Variants in CLVS1 observed in about 807,000 individuals in gnomAD.
CLVS1 encodes the protein clavesin-1.
In CLVS1, 10 loss-of-function variants were observed where a neutral mutation model predicts 33.1. That is an observed-to-expected ratio of 0.30 (90% CI 0.19 to 0.51). The LOEUF (loss-of-function observed/expected upper bound fraction) is 0.51, where lower values mean the gene tolerates loss of function less well. Ranked by LOEUF, CLVS1 falls within the 20% of genes least tolerant of loss-of-function variation. The probability of loss-of-function intolerance (pLI) is 0.97; values close to 1 mark genes in which losing one functional copy is unlikely to be tolerated. For missense variants in CLVS1, 343 were observed against 433.4 expected, an observed-to-expected ratio of 0.79 and a Z score of 1.85; for synonymous variants, 163 against 166.1, an observed-to-expected ratio of 0.98 and a Z score of 0.14.
chr8:61,305,988 C>A (rs979137777), intron 2 of CLVS1, among the ~76,000 whole-genome samples: 6 of 152,216 alleles, frequency 3.9e-5, no homozygotes, highest in Non-Finnish European at 8.8e-5. Flanking sequence ...GTGAATAGTG[C>A]TGCAATGAAC....
chr8:61,130,269 A>AAATAAATG (rs1554538188), intron 1 of CLVS1, among the ~76,000 whole-genome samples: 4 of 150,580 alleles, frequency 2.7e-5, no homozygotes, highest in Admixed American at 1.3e-4. Flanking sequence ...ATAAATAAAT[A>AAATAAATG]AATAAATATA....
At chr8:61,005,503 A>G in the CLVS1 span, among the ~76,000 whole-genome samples, 1 of 152,112 alleles carries the variant, frequency 6.6e-6, no homozygotes, top group Admixed American at 6.5e-5. Flanking sequence ...AAGAAAAGAA[A>G]AAAAAGCCCC....
chr8:61,100,064 C>T (rs554791191), intron 1 of CLVS1, among the ~76,000 whole-genome samples: 1 of 152,234 alleles, frequency 6.6e-6, no homozygotes, highest in African/African-American at 2.4e-5. Flanking sequence ...GGTGTTAATG[C>T]CATTGAATTC....
At chr8:61,287,154 G>A (rs1038218356), upstream of CLVS1, among the ~76,000 whole-genome samples, 3 of 152,052 alleles carry the variant, frequency 2.0e-5, no homozygotes, top group African/African-American at 7.2e-5. Flanking sequence ...TTTTAAAAAT[G>A]TTATGCTTTC....
At chr8:61,316,351 T>C (rs1300479230) in intron 2 of CLVS1, among the ~76,000 whole-genome samples, 1 of 152,170 alleles carries the variant, frequency 6.6e-6, no homozygotes, top group Non-Finnish European at 1.5e-5. Flanking sequence ...ACACGTGCAT[T>C]TGGTGGAAGA....
In CLVS1 at chr8:61,402,521, C is replaced by T. The variant is rs147500170; in HGVS notation, c.630+25742C>T. The stretch of plus-strand genomic sequence containing the variant: ...CCCGAGATCACAATAAACCAAGTTT[C>T]ACCAACCGGTTAACGTACACACACG... On this transcript the variant is annotated intron_variant, in intron 3 of 5. Transcript: ENST00000325897. Among the ~76,000 whole-genome samples the T allele has an allele frequency of 4.8e-3, 726 of 152,214 alleles. 3 individuals carry two copies. The highest frequency in any genetic ancestry group is 9.1e-3 in the Admixed American group (139 of 15,274).
intron 2 of CLVS1, among the ~76,000 whole-genome samples, chr8:61,206,038 G>A (rs1447701922): frequency 6.6e-6 from 1 of 152,162 alleles, no homozygotes; most frequent in African/African-American, 2.4e-5. Flanking sequence ...AATAAAGTAA[G>A]TATCTGTCAA....
chr8:60,991,087 A>T, the CLVS1 span, among the ~76,000 whole-genome samples: 1 of 152,210 alleles, frequency 6.6e-6, no homozygotes, highest in Non-Finnish European at 1.5e-5. Flanking sequence ...CCAGAAGCTT[A>T]CCATCTGGTA....
At chr8:61,351,815 G>A (rs1479845202) in intron 2 of CLVS1, among the ~76,000 whole-genome samples, 1 of 152,050 alleles carries the variant, frequency 6.6e-6, no homozygotes, top group Non-Finnish European at 1.5e-5. Flanking sequence ...GCTGTCAACT[G>A]TGACTTCTAT....
At chr8:61,387,394 A>C (rs1056108053) in intron 3 of CLVS1, among the ~76,000 whole-genome samples, 1 of 152,104 alleles carries the variant, frequency 6.6e-6, no homozygotes, top group African/African-American at 2.4e-5. Context: ...CTCAAAAACA[A>C]AAACAAAAAC....
intron 2 of CLVS1, among the ~76,000 whole-genome samples, chr8:61,227,461 C>T (rs536906625): frequency 1.3e-5 from 2 of 152,184 alleles, no homozygotes; most frequent in South Asian, 4.2e-4. Flanking sequence ...TGCTATTTGC[C>T]TCATTATAAG....
intron 1 of CLVS1, among the ~76,000 whole-genome samples, chr8:61,083,666 G>C (rs898128824): frequency 2.6e-5 from 4 of 152,036 alleles, no homozygotes; most frequent in Non-Finnish European, 5.9e-5. Context: ...TAAATTAAAG[G>C]AGAAAATGGC....
At position 61,375,247 on chromosome 8, in the gene CLVS1, ATTT is replaced by A. The variant is rs34479292; in HGVS notation, c.456-1341_456-1339del. Among the ~76,000 whole-genome samples the A allele has an allele frequency of 5.6e-3, 751 of 133,372 alleles. 5 individuals carry two copies. Among genetic ancestry groups the A allele is most frequent in the African/African-American group, 0.018 (669 of 36,980 alleles). The allele number at this position is 133,372 out of a possible 152,430, so 87.5% of individuals were successfully genotyped here. ...ATTTAGTATATTCTTAGTGGCTTGC[ATTT>A]TTTTTTTTTTTTTTTTATGAGACAG... On this transcript the variant is annotated intron_variant, in intron 2 of 5. Coordinates refer to ENST00000325897, the MANE Select transcript of CLVS1 (RefSeq NM_173519.3).
chr8:61,307,021 A>C (rs1026920167), intron 2 of CLVS1, among the ~76,000 whole-genome samples: 4 of 152,156 alleles, frequency 2.6e-5, no homozygotes, highest in African/African-American at 9.7e-5. Context: ...CCTACCTATT[A>C]TGTTTATTAT....
chr8:61,182,662 T>C (rs1412802036), intron 2 of CLVS1, among the ~76,000 whole-genome samples: 1 of 152,126 alleles, frequency 6.6e-6, no homozygotes, highest in Non-Finnish European at 1.5e-5. Flanking sequence ...TGACGATTAT[T>C]AAAAAGTCAA....
At position 61,114,160 on chromosome 8, in the gene CLVS1, C is replaced by A. The variant is rs78326774; in HGVS notation, c.-242-17610C>A. ...AGTTTTCATGTTGTGAAATATTATTCTTCTTGTGTTTCTTTCAATCATTTA... is the reference window on the plus strand; with the variant it reads ...AGTTTTCATGTTGTGAAATATTATTATTCTTGTGTTTCTTTCAATCATTTA... On this transcript the variant is annotated intron_variant, in intron 1 of 2. Transcript: ENST00000522621. Among the ~76,000 whole-genome samples the A allele has an allele frequency of 3.3e-3, 503 of 152,254 alleles. 3 individuals are homozygous for A. Among genetic ancestry groups the A allele is most frequent in the African/African-American group, 0.011 (472 of 41,548 alleles).
intron 2 of CLVS1, among the ~76,000 whole-genome samples, chr8:61,183,899 A>G (rs1005406310): frequency 2.6e-5 from 4 of 152,220 alleles, no homozygotes; most frequent in African/African-American, 9.6e-5. Flanking sequence ...ATAATAAAAG[A>G]CATGCTAATG....
chr8:61,103,053 A>G (rs1476865724), intron 1 of CLVS1, among the ~76,000 whole-genome samples: 1 of 145,380 alleles, frequency 6.9e-6, no homozygotes. Flanking sequence ...AAGAATATCA[A>G]ATTTTTTTTA....
intron 2 of CLVS1, among the ~76,000 whole-genome samples, chr8:61,266,069 G>A (rs1324045944): frequency 6.6e-6 from 1 of 152,130 alleles, no homozygotes; most frequent in Non-Finnish European, 1.5e-5. Flanking sequence ...TCAGATGAGA[G>A]CCTGTCTGTT....
Sources: allele counts gnomAD v4.1 joint callset (sites outside exome capture counted in the v4.1 genomes callset), GRCh38; gene constraint gnomAD v4.1.1; transcripts MANE v1.5; gene names NCBI Gene and HGNC (gene_info 2026-07-23, HGNC 2026-07-21).